Variants in FOXP2 observed in about 807,000 individuals in gnomAD.
The protein encoded by FOXP2 is forkhead box P2, also known as forkhead box protein P2.
In FOXP2, 12 loss-of-function variants were observed where a neutral mutation model predicts 115.8. That is an observed-to-expected ratio of 0.10 (90% CI 0.07 to 0.17). The LOEUF is 0.17. Ranked by LOEUF, FOXP2 falls within the 10% of genes least tolerant of loss-of-function variation. The pLI, the probability that FOXP2 is intolerant of heterozygous loss-of-function variation, is 1.00. For missense variants in FOXP2, 629 were observed against 843.5 expected, an observed-to-expected ratio of 0.75 and a Z score of 3.15; for synonymous variants, 328 against 297.7, an observed-to-expected ratio of 1.10 and a Z score of -1.05.
At chr7:114,252,397 A>G (rs1795473225) in intron 1 of FOXP2, among the ~76,000 whole-genome samples, 1 of 152,164 alleles carries the variant, frequency 6.6e-6, no homozygotes, top group African/African-American at 2.4e-5. Flanking sequence ...CTCTGGTGGA[A>G]TTCGGCTGTG....
At chr7:114,569,065 G>A (rs1801162779) in intron 3 of FOXP2, among the ~76,000 whole-genome samples, 1 of 152,036 alleles carries the variant, frequency 6.6e-6, no homozygotes, top group East Asian at 1.9e-4. Flanking sequence ...TGGAGTTATT[G>A]TGACAATCAC....
At chr7:114,270,748 C>T (rs923557231) in intron 1 of FOXP2, among the ~76,000 whole-genome samples, 1 of 151,980 alleles carries the variant, frequency 6.6e-6, no homozygotes, top group Non-Finnish European at 1.5e-5. Flanking sequence ...ATATTTTCTC[C>T]ATTCTGTGGC....
chr7:114,662,290 C>T, intron 14 of FOXP2, 104 bp downstream of exon 14: 1 of 1,482,582 alleles, frequency 6.7e-7, no homozygotes, highest in Non-Finnish European at 9.3e-7. Context: ...TAATGGCATG[C>T]TAACATTCTC....
chr7:114,353,169 G>A (rs1791534568), intron 2 of FOXP2, among the ~76,000 whole-genome samples: 5 of 152,048 alleles, frequency 3.3e-5, no homozygotes. Context: ...TCTTATATCA[G>A]TGTTTTCATT....
At chr7:114,659,551 A>G (rs1232178026) in intron 12 of FOXP2, 21 bp from the exon 13 acceptor site, 3 of 1,603,560 alleles carry the variant, frequency 1.9e-6, no homozygotes, top group Non-Finnish European at 2.6e-6. Context: ...TTATGTCACT[A>G]TGTATCTTGT....
chr7:114,139,873 G>C (rs1792155717), intron 1 of FOXP2, among the ~76,000 whole-genome samples: 1 of 152,102 alleles, frequency 6.6e-6, no homozygotes, highest in Non-Finnish European at 1.5e-5. Flanking sequence ...AGCACTTTGG[G>C]AGGTTGAGGT....
intron 3 of FOXP2, among the ~76,000 whole-genome samples, chr7:114,578,892 A>T (rs1173608257): frequency 6.6e-6 from 1 of 152,148 alleles, no homozygotes; most frequent in African/African-American, 2.4e-5. Context: ...TTTATTGCTT[A>T]TGTTCTTTTA....
At chr7:114,244,471 C>A (rs530673506) in intron 1 of FOXP2, among the ~76,000 whole-genome samples, 2 of 152,234 alleles carry the variant, frequency 1.3e-5, no homozygotes, top group Admixed American at 1.3e-4. Flanking sequence ...TAATTTTCAA[C>A]TAAGCACATT....
At chr7:114,214,751 C>T (rs1794446453) in intron 1 of FOXP2, among the ~76,000 whole-genome samples, 1 of 152,144 alleles carries the variant, frequency 6.6e-6, no homozygotes, top group African/African-American at 2.4e-5. Flanking sequence ...TACTTTACTC[C>T]CAAACTTTGC....
At chr7:114,473,422 CAG>C (rs1392773987) in intron 2 of FOXP2, among the ~76,000 whole-genome samples, 2 of 152,144 alleles carry the variant, frequency 1.3e-5, no homozygotes, top group African/African-American at 4.8e-5. Flanking sequence ...AGGCAGGAAT[CAG>C]GGGTCTGCTT....
intron 1 of FOXP2, among the ~76,000 whole-genome samples, chr7:114,272,106 A>T (rs1796077840): frequency 6.8e-6 from 1 of 146,638 alleles, no homozygotes; most frequent in African/African-American, 2.5e-5. Flanking sequence ...TCATGAATGG[A>T]TGTTGGATTT....
intron 3 of FOXP2, among the ~76,000 whole-genome samples, chr7:114,592,079 A>G (rs1361692924): frequency 6.6e-6 from 1 of 152,100 alleles, no homozygotes; most frequent in Admixed American, 6.6e-5. Flanking sequence ...ATATACACAT[A>G]TAGAGAGTTT....
chr7:114,173,263 G>A (rs986231878), intron 1 of FOXP2, among the ~76,000 whole-genome samples: 16 of 151,804 alleles, frequency 1.1e-4, no homozygotes, highest in Non-Finnish European at 4.4e-5. Context: ...GACTATCTTC[G>A]TATTCTTTCT....
chr7:114,129,132 T>G (rs12705950), intron 1 of FOXP2, among the ~76,000 whole-genome samples: 119,175 of 152,044 alleles, frequency 0.78, 48,802 homozygotes, highest in Non-Finnish European at 0.91. Flanking sequence ...ATACAGTATG[T>G]TAGATTATAG....
chr7:114,132,911 T>C (rs1057028709), intron 1 of FOXP2, among the ~76,000 whole-genome samples: 5 of 152,126 alleles, frequency 3.3e-5, no homozygotes, highest in African/African-American at 9.7e-5. Flanking sequence ...TTTGAGTAGA[T>C]GAGTATCACA....
At chr7:114,435,948 T>C (rs1158699811) in intron 2 of FOXP2, among the ~76,000 whole-genome samples, 1 of 152,204 alleles carries the variant, frequency 6.6e-6, no homozygotes. Context: ...TACCATAGTT[T>C]GGCCTAGGTA....
intron 2 of FOXP2, among the ~76,000 whole-genome samples, chr7:114,324,615 A>G (rs1183302879): frequency 4.0e-5 from 6 of 151,824 alleles, no homozygotes; most frequent in Non-Finnish European, 8.9e-5. Context: ...ACCTATTCCC[A>G]ATAATTATTC....
Position 114,690,516 on chromosome 7 carries a change from TAA to T in FOXP2, c.*591_*592del, listed in dbSNP as rs1475008930. On this transcript the variant is annotated 3_prime_UTR_variant, in exon 17 of 17. Coordinates refer to ENST00000350908, the MANE Select transcript of FOXP2 (RefSeq NM_014491.4). ...TTGGTGCCACCAACTGTAAATGACA[TAA>T]GTTAGTTATTACAAAACACAGTAAT... 3.5e-5 allele frequency: 16 copies of T among 453,926 alleles called. No homozygotes were observed. The highest frequency in any genetic ancestry group is 6.8e-4 in the Middle Eastern group (1 of 1,466). The allele number at this position is 453,926 out of a possible 1,614,324, so 28.1% of individuals were successfully genotyped here. A position where few individuals can be genotyped will look rare whatever the true frequency, so the allele number is the denominator to read the frequency against.
At chr7:114,149,345 A>G (rs1056024827) in intron 1 of FOXP2, among the ~76,000 whole-genome samples, 2 of 152,050 alleles carry the variant, frequency 1.3e-5, no homozygotes, top group African/African-American at 2.4e-5. Context: ...CATAATTATT[A>G]TAAATAATTG....
Sources: allele counts gnomAD v4.1 joint callset (sites outside exome capture counted in the v4.1 genomes callset), GRCh38; gene constraint gnomAD v4.1.1; transcripts MANE v1.5; gene names NCBI Gene and HGNC (gene_info 2026-07-23, HGNC 2026-07-21).